IFI27: variants seen among roughly 807,000 people sequenced by gnomAD.
IFI27 encodes the protein interferon alpha-inducible protein 27, mitochondrial.
IFI27 carries 3 observed loss-of-function variants against 8.9 expected under a neutral mutation model. The ratio of observed to expected loss-of-function variants is 0.34; its 90% CI spans 0.15 to 0.87. The LOEUF (loss-of-function observed/expected upper bound fraction) is 0.87, where lower values mean the gene tolerates loss of function less well. IFI27 is among the 40% of genes least tolerant of loss of function. The pLI is 0.51. For missense variants in IFI27, 152 were observed against 157.7 expected (o/e 0.96, Z 0.19); for synonymous variants, 66 against 67.3 (o/e 0.98, Z 0.09).
upstream of IFI27, chr14:94,110,654 AT>A (rs1887143534): frequency 1.3e-5 from 2 of 152,188 alleles, no homozygotes; most frequent in African/African-American, 4.8e-5. Flanking sequence ...AATGAAACCT[AT>A]CTCATTTGTT....
chr14:94,111,343 C>T lies in IFI27; in HGVS notation c.-58-282C>T, dbSNP rs149206929. Among the ~76,000 whole-genome samples, 2,903 of 152,244 alleles carry T rather than the reference C, an allele frequency of 0.019. 58 individuals are homozygous for T. Among genetic ancestry groups the T allele is most frequent in the Middle Eastern group, 0.085 (25 of 294 alleles). On this transcript the variant is annotated intron_variant, in intron 1 of 4. Transcript: ENST00000621160. This position sits in a 1 kb window ranked among gnomAD's most constrained non-coding sequence, Gnocchi z 4.3. Reference sequence around the variant, plus strand: ...GCTCCGTGGAGAGATAAGGGAGTCCCGGAAGTGTCTAAGACATTGGCGCTG... The same window carrying T: ...GCTCCGTGGAGAGATAAGGGAGTCCTGGAAGTGTCTAAGACATTGGCGCTG...
In IFI27 at chr14:94,111,829, G is replaced by T; in HGVS notation, c.91+56G>T. The T allele has an allele frequency of 7.5e-7, 1 of 1,341,138 alleles. No individual in the cohort carries two copies. The allele number at this position is 1,341,138 out of a possible 1,614,324, so 83.1% of individuals were successfully genotyped here. A position where few individuals can be genotyped will look rare whatever the true frequency, so the allele number is the denominator to read the frequency against. On this transcript the variant is annotated intron_variant, in intron 2 of 4. Coordinates refer to ENST00000621160, the Ensembl canonical transcript of IFI27. The surrounding 1 kb of genome is among the most constrained non-coding windows in gnomAD (Gnocchi z 4.3). ...GGGCGAGGAGGCGGCTGGGAAGGGC[G>T]GGGGTCCTGTCCCGGGACCCGTGGG... is the stretch of plus-strand genomic sequence containing the variant.
At position 94,111,241 on chromosome 14, in the gene IFI27, A is replaced by G. The variant is rs1887170440; in HGVS notation, c.-58-384A>G. ...CACGTTAGTGAGGAGATTACATAAG[A>G]GCAGGCACCTCGCCTGCTGTATATG... On this transcript the variant is annotated intron_variant, in intron 1 of 4. Transcript: ENST00000621160. The surrounding 1 kb of genome is among the most constrained non-coding windows in gnomAD (Gnocchi z 4.3). 6.6e-6 allele frequency among the ~76,000 whole-genome samples: 1 copy of G among 152,118 alleles called. No homozygotes were observed. The highest frequency in any genetic ancestry group is 2.1e-4 in the South Asian group (1 of 4,818).
chr14:94,108,309 G>A (rs527324903), upstream of IFI27, among the ~76,000 whole-genome samples: 12 of 152,288 alleles, frequency 7.9e-5, no homozygotes, highest in East Asian at 1.9e-4. Context: ...ACGTGTGCAC[G>A]TGTCTTTATA....
At chr14:94,109,477 C>T (rs958303970), upstream of IFI27, among the ~76,000 whole-genome samples, 2 of 152,090 alleles carry the variant, frequency 1.3e-5, no homozygotes, top group African/African-American at 2.4e-5. Flanking sequence ...CAAGACCTGG[C>T]GAGTTCTGAC....
At chr14:94,115,441 C>G in intron 3 of IFI27, 1 of 581,584 alleles carries the variant, frequency 1.7e-6, no homozygotes. Flanking sequence ...ATTTGCTCCC[C>G]AGCAAAGATA....
Position 94,111,834 on chromosome 14 carries a change from T to G in IFI27, c.91+61T>G. 1 of 1,302,958 alleles carries G rather than the reference T, an allele frequency of 7.7e-7. No homozygotes were observed. The highest frequency in any genetic ancestry group is 1.1e-6 in the Non-Finnish European group (1 of 897,364). The allele number at this position is 1,302,958 out of a possible 1,614,324, so 80.7% of individuals were successfully genotyped here. On this transcript the variant is annotated intron_variant, in intron 2 of 4. Transcript: ENST00000621160. This position sits in a 1 kb window ranked among gnomAD's most constrained non-coding sequence, Gnocchi z 4.3. ...AGGAGGCGGCTGGGAAGGGCGGGGG[T>G]CCTGTCCCGGGACCCGTGGGAGAGA...
chr14:94,114,974 A>C, intron 3 of IFI27, 94 bp downstream of exon 3: 1 of 1,177,838 alleles, frequency 8.5e-7, no homozygotes, highest in Non-Finnish European at 1.3e-6. Flanking sequence ...TGTTTCCCTC[A>C]CATGGGTGGT....
At chr14:94,105,977 A>C (rs1028683913), upstream of IFI27, 1 of 152,228 alleles carries the variant, frequency 6.6e-6, no homozygotes, top group African/African-American at 2.4e-5. Flanking sequence ...CTGTAACAAA[A>C]TACCATAGAC....
In IFI27 at chr14:94,111,946, G is replaced by C; in HGVS notation, c.91+173G>C. On this transcript the variant is annotated intron_variant, in intron 2 of 4. Transcript: ENST00000621160. The surrounding 1 kb of genome is among the most constrained non-coding windows in gnomAD (Gnocchi z 4.3). ...TAACTTTCCATCTGGGAGGGGGCCC[G>C]GGGCAGGCAGACTCTGGCCAGATGC... is the stretch of plus-strand genomic sequence containing the variant. 1 of 650,522 alleles carries C rather than the reference G, an allele frequency of 1.5e-6. No homozygotes were observed. Among genetic ancestry groups the C allele is most frequent in the Non-Finnish European group, 2.8e-6 (1 of 360,302 alleles). The allele number at this position is 650,522 out of a possible 1,614,324, so 40.3% of individuals were successfully genotyped here.
In IFI27 at chr14:94,111,193, G is replaced by C. The variant is rs1010838869; in HGVS notation, c.-59+396G>C. Among the ~76,000 whole-genome samples, 22 of 152,226 alleles carry C rather than the reference G, an allele frequency of 1.4e-4. No individual in the cohort carries two copies. Among genetic ancestry groups the C allele is most frequent in the Admixed American group, 9.8e-4 (15 of 15,288 alleles). On this transcript the variant is annotated intron_variant, in intron 1 of 4. Coordinates refer to ENST00000621160, the Ensembl canonical transcript of IFI27. The surrounding 1 kb of genome is among the most constrained non-coding windows in gnomAD (Gnocchi z 4.3). ...CGCGCTCCCTCATCTGTAACATGCG[G>C]AGGAGGAGGGTCCCATCTTTTTCAC...
upstream of IFI27, among the ~76,000 whole-genome samples, chr14:94,109,608 C>T (rs140321255): frequency 5.9e-5 from 9 of 152,232 alleles, no homozygotes; most frequent in South Asian, 2.1e-4. Flanking sequence ...ATAACTGGCT[C>T]GCTCTCCCTG....
chr14:94,111,916 C>A lies in IFI27; in HGVS notation c.91+143C>A. The A allele has an allele frequency of 1.4e-6, 1 of 713,472 alleles. No individual in the cohort carries two copies. Among genetic ancestry groups the A allele is most frequent in the South Asian group, 1.6e-5 (1 of 62,090 alleles). 44.2% of individuals were successfully genotyped at this position (713,472 alleles called of 1,614,324 possible). On this transcript the variant is annotated intron_variant, in intron 2 of 4. Coordinates refer to ENST00000621160, the Ensembl canonical transcript of IFI27. The surrounding 1 kb of genome is among the most constrained non-coding windows in gnomAD (Gnocchi z 4.3). Reference sequence around the variant, plus strand: ...GTCCTGTCTTCTCACAGCAGGCGTCCACCCTAACTTTCCATCTGGGAGGGG... The same window carrying A: ...GTCCTGTCTTCTCACAGCAGGCGTCAACCCTAACTTTCCATCTGGGAGGGG...
At chr14:94,109,715 T>C (rs1411414804), upstream of IFI27, among the ~76,000 whole-genome samples, 3 of 152,208 alleles carry the variant, frequency 2.0e-5, no homozygotes, top group South Asian at 6.2e-4. Context: ...GAGAGCCTCA[T>C]CTTGCGTGAG....
Position 94,111,960 on chromosome 14 carries a change from C to G in IFI27, c.91+187C>G. ...GGAGGGGGCCCGGGGCAGGCAGACTCTGGCCAGATGCCCAGCCCTGGGTGT... is the reference window on the plus strand; with the variant it reads ...GGAGGGGGCCCGGGGCAGGCAGACTGTGGCCAGATGCCCAGCCCTGGGTGT... On this transcript the variant is annotated intron_variant, in intron 2 of 4. Transcript: ENST00000621160. This position sits in a 1 kb window ranked among gnomAD's most constrained non-coding sequence, Gnocchi z 4.3. 1.6e-6 allele frequency: 1 copy of G among 639,362 alleles called. No homozygotes were observed. Among genetic ancestry groups the G allele is most frequent in the East Asian group, 2.7e-5 (1 of 36,672 alleles). The allele number at this position is 639,362 out of a possible 1,614,324, so 39.6% of individuals were successfully genotyped here.
chr14:94,112,604 G>A (rs1460823906), intron 2 of IFI27, among the ~76,000 whole-genome samples: 2 of 152,188 alleles, frequency 1.3e-5, no homozygotes, highest in African/African-American at 2.4e-5. Context: ...CTTGAATGGG[G>A]GCACAGGGCC....
Position 94,116,669 on chromosome 14 carries a change from A to G in IFI27, c.*142A>G. 1.5e-6 allele frequency: 1 copy of G among 655,986 alleles called. No individual in the cohort carries two copies. The highest frequency in any genetic ancestry group is 2.7e-6 in the Non-Finnish European group (1 of 366,246). 40.6% of individuals were successfully genotyped at this position (655,986 alleles called of 1,614,324 possible). On this transcript the variant is annotated 3_prime_UTR_variant, in exon 5 of 5. Transcript: ENST00000621160. The surrounding 1 kb of genome is among the most constrained non-coding windows in gnomAD (Gnocchi z 4.3). ...TTCTGCATCTCCAGAGGAAAATAAG[A>G]AATAAAGATGAATTGTTGCAACTCT... is the stretch of plus-strand genomic sequence containing the variant.
rs543124544 is a variant in IFI27 at position 94,116,088 on chromosome 14, AGAT to A, written c.283+148_283+150del. The A allele has an allele frequency of 1.9e-4, 180 of 961,270 alleles. 1 individual carries two copies. Among genetic ancestry groups the A allele is most frequent in the African/African-American group, 1.5e-3 (93 of 62,244 alleles). The allele number at this position is 961,270 out of a possible 1,614,324, so 59.5% of individuals were successfully genotyped here. A position where few individuals can be genotyped will look rare whatever the true frequency, so the allele number is the denominator to read the frequency against. ...CATTCTCTCAGGGTTTCTCTGAGGG[AGAT>A]GGAGGAGGGAGGGAAGGAGCCCAAG... On this transcript the variant is annotated intron_variant, in intron 4 of 4. Transcript: ENST00000621160. This position sits in a 1 kb window ranked among gnomAD's most constrained non-coding sequence, Gnocchi z 4.3.
At chr14:94,115,978 TGAG>T (rs1887392503) in intron 4 of IFI27, 36 bp downstream of exon 4, 1 of 1,548,668 alleles carries the variant, frequency 6.5e-7, no homozygotes, top group East Asian at 2.4e-5. Flanking sequence ...GGGAGGGCGA[TGAG>T]GAGGGCAAGA....
Sources: gnomAD v4.1 joint callset for allele counts (sites outside exome capture counted in the v4.1 genomes callset) on GRCh38, gnomAD v4.1.1 for gene constraint, Gnocchi (gnomAD v3.1) non-coding constraint, MANE v1.5 for transcripts, NCBI Gene and HGNC (gene_info 2026-07-23, HGNC 2026-07-21) for gene names.